The following BPHL variants were observed in gnomAD, a reference collection of about 807,000 sequenced individuals.
BPHL encodes the protein serine hydrolase BPHL.
A neutral mutation model predicts 31.2 loss-of-function variants in BPHL; 27 were observed. The ratio of observed to expected loss-of-function variants is 0.87; its 90% CI spans 0.64 to 1.19. The LOEUF is 1.19. BPHL is among the 50% of genes most tolerant of loss of function. BPHL has a pLI of 0.00. For missense variants in BPHL, 356 were observed against 375.7 expected (o/e 0.95, Z 0.43); for synonymous variants, 150 against 146.8 (o/e 1.02, Z -0.16).
rs1186006009 is a variant in BPHL, at chr6:3,140,166, C to G, written c.665-220C>G. 1 of 579,876 alleles carries G rather than the reference C, an allele frequency of 1.7e-6. No homozygotes were observed. The highest frequency in any genetic ancestry group is 3.0e-6 in the Non-Finnish European group (1 of 338,310). 35.9% of individuals were successfully genotyped at this position (579,876 alleles called of 1,614,324 possible). A position where few individuals can be genotyped will look rare whatever the true frequency, so the allele number is the denominator to read the frequency against. On this transcript the variant is annotated intron_variant, in intron 5 of 6. Coordinates refer to ENST00000380379, the MANE Select transcript of BPHL (RefSeq NM_004332.4). The surrounding 1 kb of genome is among the most constrained non-coding windows in gnomAD (Gnocchi z 5.2). ...AGGCTGCTTATTTACTAGTAGAACT[C>G]AGAAACAGGCAAACAAACAAGAAAC...
intron 6 of BPHL, among the ~76,000 whole-genome samples, chr6:3,142,685 A>T (rs1360159409): frequency 1.3e-5 from 2 of 152,198 alleles, no homozygotes; most frequent in African/African-American, 4.8e-5. Flanking sequence ...CTTTTCCACC[A>T]TAGCACAGCT....
At chr6:3,151,096 G>A (rs986030391) in intron 6 of BPHL, among the ~76,000 whole-genome samples, 3 of 152,218 alleles carry the variant, frequency 2.0e-5, no homozygotes, top group African/African-American at 7.2e-5. Context: ...TGTCTACAGA[G>A]AAAGACTTCA....
At chr6:3,129,272 G>T in intron 4 of BPHL, 74 bp downstream of exon 4, 1 of 1,451,380 alleles carries the variant, frequency 6.9e-7, no homozygotes, top group Admixed American at 2.9e-5. Flanking sequence ...CTTATTGTGG[G>T]ATATGTTGAC....
rs139450673 is a variant in BPHL, at chr6:3,137,453, G to C, written c.624G>C (p.Lys208Asn). 11 of 1,613,460 alleles carry C rather than the reference G, an allele frequency of 6.8e-6. No individual in the cohort carries two copies. Among genetic ancestry groups the C allele is most frequent in the Non-Finnish European group, 9.3e-6 (11 of 1,179,946 alleles). ...GYDYFARTCEKWVDGIRQFKH... is the reference protein window; with the variant it reads ...GYDYFARTCENWVDGIRQFKH... Reference sequence around the variant, plus strand: ...ACTACTTTGCCAGAACCTGTGAAAAGTGGGTGGATGGCATAAGACAGTTTA... The same window carrying C: ...ACTACTTTGCCAGAACCTGTGAAAACTGGGTGGATGGCATAAGACAGTTTA... The change falls in exon 5 of 7, where the codon AAG (lysine) becomes AAC (asparagine). Residue 208 changes from lysine to asparagine, a missense_variant. Coordinates refer to ENST00000380379, the MANE Select transcript of BPHL (RefSeq NM_004332.4).
rs1762576231 is a variant in BPHL, at chr6:3,153,386, G to A, written c.*811G>A. 2 of 200,314 alleles carry A rather than the reference G, an allele frequency of 1.0e-5. No homozygotes were observed. Among genetic ancestry groups the A allele is most frequent in the Non-Finnish European group, 2.0e-5 (2 of 97,686 alleles). 12.4% of individuals were successfully genotyped at this position (200,314 alleles called of 1,614,324 possible). A position where few individuals can be genotyped will look rare whatever the true frequency, so the allele number is the denominator to read the frequency against. On this transcript the variant is annotated 3_prime_UTR_variant, in exon 7 of 7. Transcript: ENST00000380379. ...GGATGTCCAGAACAGCAGCAGATAG[G>A]GGCAGGTTTGCTTTACCCCATATCC...
At chr6:3,128,721 C>T (rs1029956881) in intron 3 of BPHL, among the ~76,000 whole-genome samples, 1 of 152,238 alleles carries the variant, frequency 6.6e-6, no homozygotes, top group Non-Finnish European at 1.5e-5. Flanking sequence ...CACGTGCACA[C>T]GCATACACAC....
chr6:3,137,530 T>C lies in BPHL; in HGVS notation c.664+37T>C, dbSNP rs746829840. On this transcript the variant is annotated intron_variant, in intron 5 of 6. Coordinates refer to ENST00000380379, the MANE Select transcript of BPHL (RefSeq NM_004332.4). ...GGCTTGAAGGGCTCTCTGCCTGTTA[T>C]AGAGGGTGCTCGAGTTCCTCCCCAG... The C allele has an allele frequency of 5.0e-6, 8 of 1,611,802 alleles. No individual in the cohort carries two copies. The Admixed American group carries it at 5.0e-5, about 10-fold the overall frequency.
intron 2 of BPHL, 34 bp from the exon 3 acceptor site, chr6:3,127,208 G>A: frequency 1.4e-6 from 2 of 1,437,512 alleles, no homozygotes; most frequent in South Asian, 3.0e-5. Context: ...TAGTGAAAGC[G>A]ATCACCTGAG....
intron 2 of BPHL, among the ~76,000 whole-genome samples, chr6:3,124,801 A>G (rs188922242): frequency 6.6e-6 from 1 of 152,136 alleles, no homozygotes; most frequent in Admixed American, 6.5e-5. Flanking sequence ...TTTCTTTGTG[A>G]TTTGCTTCTT....
chr6:3,128,945 C>G, intron 3 of BPHL, 100 bp from the exon 4 acceptor site: 1 of 1,545,684 alleles, frequency 6.5e-7, no homozygotes, highest in Non-Finnish European at 8.9e-7. Flanking sequence ...AATTGATACT[C>G]CAGCCTCACA....
Position 3,118,758 on chromosome 6 carries a change from C to T in BPHL, c.18C>T (p.Gly6=). The T allele has an allele frequency of 4.0e-6, 5 of 1,258,930 alleles. No homozygotes were observed. Among genetic ancestry groups the T allele is most frequent in the Admixed American group, 4.2e-5 (1 of 23,942 alleles). The allele number at this position is 1,258,930 out of a possible 1,614,324, so 78.0% of individuals were successfully genotyped here. ...CTGTGACCATGGTGGCTGTGCTGGG[C>T]GGCCGGGGCGTGTTGCGCCTGCGGC... MVAVL[G]GRGVLRLRLL... Residue 6 remains glycine (G), a synonymous_variant, in exon 1 of 7, where the codon GGC becomes GGT. Transcript: ENST00000380379.
At chr6:3,133,215 G>A (rs750082134) in intron 4 of BPHL, among the ~76,000 whole-genome samples, 19 of 150,028 alleles carry the variant, frequency 1.3e-4, no homozygotes, top group Non-Finnish European at 2.2e-4. Context: ...CCCACACTGC[G>A]GCCTGCAGCT....
At chr6:3,123,818 C>A in intron 2 of BPHL, 58 bp downstream of exon 2, 1 of 1,362,074 alleles carries the variant, frequency 7.3e-7, no homozygotes, top group Non-Finnish European at 1.0e-6. Flanking sequence ...GATGCATTCA[C>A]AATACTAGAT....
At position 3,127,470 on chromosome 6, in the gene BPHL, G is replaced by A. The variant is rs1029157140; in HGVS notation, c.378+62G>A. 4.4e-6 allele frequency: 6 copies of A among 1,354,528 alleles called. No homozygotes were observed. The African/African-American group carries it at 7.3e-5, about 17-fold the overall frequency. The allele number at this position is 1,354,528 out of a possible 1,614,324, so 83.9% of individuals were successfully genotyped here. A position where few individuals can be genotyped will look rare whatever the true frequency, so the allele number is the denominator to read the frequency against. On this transcript the variant is annotated intron_variant, in intron 3 of 6. Transcript: ENST00000380379. ...GGCTGGGCCTGTCTTCATTTATTTT[G>A]TTTAAATTTTGTTGTTATATTTTTC...
intron 6 of BPHL, among the ~76,000 whole-genome samples, chr6:3,146,451 G>T (rs1404717079): frequency 3.0e-5 from 4 of 134,616 alleles, no homozygotes; most frequent in Middle Eastern, 4.8e-3. Flanking sequence ...GGTTTGGGTC[G>T]GAGTGCTGGT....
intron 6 of BPHL, among the ~76,000 whole-genome samples, chr6:3,144,731 A>G (rs1383948622): frequency 2.6e-5 from 4 of 152,140 alleles, no homozygotes; most frequent in Non-Finnish European, 5.9e-5. Flanking sequence ...CGTGAATGCA[A>G]TTCTTCCCAT....
chr6:3,127,431 A>G, intron 3 of BPHL, 23 bp downstream of exon 3: 4 of 1,510,198 alleles, frequency 2.6e-6, no homozygotes, highest in Non-Finnish European at 2.7e-6. Context: ...GGGAAGGGCC[A>G]GGGGAGGAAG....
intron 6 of BPHL, among the ~76,000 whole-genome samples, chr6:3,147,173 A>G (rs1358191299): frequency 1.3e-5 from 2 of 152,146 alleles, no homozygotes; most frequent in Non-Finnish European, 2.9e-5. Context: ...AGGTAGGAGA[A>G]TCACCAGAGC....
At chr6:3,132,929 C>G (rs1442895541) in intron 4 of BPHL, among the ~76,000 whole-genome samples, 1 of 152,188 alleles carries the variant, frequency 6.6e-6, no homozygotes, top group Non-Finnish European at 1.5e-5. Flanking sequence ...ATTCAATTTT[C>G]TTATCTGGTT....
Sources: gnomAD v4.1 joint callset for allele counts (sites outside exome capture counted in the v4.1 genomes callset) on GRCh38, gnomAD v4.1.1 for gene constraint, Gnocchi (gnomAD v3.1) non-coding constraint, MANE v1.5 for transcripts, NCBI Gene and HGNC (gene_info 2026-07-23, HGNC 2026-07-21) for gene names.